Variants in SPOCK1 observed in about 807,000 individuals in gnomAD.
SPOCK1 encodes SPARC (osteonectin), cwcv and kazal like domains proteoglycan 1, also known as testican-1.
SPOCK1 carries 23 observed loss-of-function variants against 55.3 expected under a neutral mutation model. The observed-to-expected ratio is 0.42, with a 90% confidence interval of 0.30 to 0.59. The LOEUF is 0.59. Ranked by LOEUF, SPOCK1 falls within the 20% of genes least tolerant of loss-of-function variation. SPOCK1 has a pLI of 0.22. For synonymous variants in SPOCK1, 226 were observed against 221.0 expected (o/e 1.02, Z -0.20); for missense variants, 499 against 552.5 (o/e 0.90, Z 0.97).
At chr5:137,370,959 C>T (rs1335884776) in intron 2 of SPOCK1, among the ~76,000 whole-genome samples, 1 of 152,214 alleles carries the variant, frequency 6.6e-6, no homozygotes, top group Non-Finnish European at 1.5e-5. Flanking sequence ...GCTGCTCTCA[C>T]AGCTGGTCAC....
chr5:137,015,102 T>C (rs1004099792), intron 6 of SPOCK1, among the ~76,000 whole-genome samples: 3 of 152,166 alleles, frequency 2.0e-5, no homozygotes, highest in Non-Finnish European at 4.4e-5. Flanking sequence ...ATTTGTAGCA[T>C]GGTTATCACA....
chr5:137,026,486 T>C (rs1017526540), intron 6 of SPOCK1, among the ~76,000 whole-genome samples: 1 of 152,206 alleles, frequency 6.6e-6, no homozygotes, highest in Non-Finnish European at 1.5e-5. Flanking sequence ...GGGCTTGAAG[T>C]GCAGCATCAA....
intron 3 of SPOCK1, among the ~76,000 whole-genome samples, chr5:137,217,844 C>T (rs1384311288): frequency 6.6e-6 from 1 of 152,098 alleles, no homozygotes; most frequent in East Asian, 1.9e-4. Context: ...TCCAAGGTAT[C>T]GTGGTTAATA....
chr5:137,263,746 C>T (rs1421161349), intron 3 of SPOCK1, among the ~76,000 whole-genome samples: 1 of 152,164 alleles, frequency 6.6e-6, no homozygotes, highest in Non-Finnish European at 1.5e-5. Flanking sequence ...AAAGGATATA[C>T]TACTTATGCC....
intron 6 of SPOCK1, among the ~76,000 whole-genome samples, chr5:137,010,626 CACAT>C (rs1404253583): frequency 2.0e-5 from 3 of 152,056 alleles, no homozygotes; most frequent in Non-Finnish European, 4.4e-5. Context: ...CACCAGCACA[CACAT>C]AAAGGCCAAA....
intron 2 of SPOCK1, among the ~76,000 whole-genome samples, chr5:137,340,495 TG>T (rs1439532456): frequency 6.6e-6 from 1 of 152,184 alleles, no homozygotes; most frequent in Admixed American, 6.5e-5. Flanking sequence ...TCTGCACCTG[TG>T]AAATAAGAAT....
At chr5:137,139,607 G>T (rs1754054662) in intron 4 of SPOCK1, among the ~76,000 whole-genome samples, 1 of 152,008 alleles carries the variant, frequency 6.6e-6, no homozygotes, top group South Asian at 2.1e-4. Flanking sequence ...AATTCAGAAA[G>T]GTTGCTTTAT....
intron 2 of SPOCK1, among the ~76,000 whole-genome samples, chr5:137,381,206 T>G (rs1580895203): frequency 6.6e-6 from 1 of 151,812 alleles, no homozygotes; most frequent in East Asian, 1.9e-4. Context: ...ATTCAAAGGG[T>G]GGGTTCCCAG....
intron 5 of SPOCK1, among the ~76,000 whole-genome samples, chr5:137,107,804 T>C (rs1277767168): frequency 6.6e-6 from 1 of 152,230 alleles, no homozygotes; most frequent in Admixed American, 6.5e-5. Context: ...CTCAGGTTTC[T>C]TCTTCCAGCT....
intron 1 of SPOCK1, among the ~76,000 whole-genome samples, chr5:137,498,850 G>A (rs757767925): frequency 1.6e-4 from 25 of 152,130 alleles, no homozygotes; most frequent in Non-Finnish European, 2.5e-4. Flanking sequence ...CCTCCTATCA[G>A]GGGCTTGGTA....
intron 2 of SPOCK1, among the ~76,000 whole-genome samples, chr5:137,376,550 G>A (rs192841864): frequency 6.6e-6 from 1 of 152,310 alleles, no homozygotes; most frequent in African/African-American, 2.4e-5. Flanking sequence ...GCAGAGGGGG[G>A]CCTTTTAAAA....
intron 2 of SPOCK1, among the ~76,000 whole-genome samples, chr5:137,318,693 C>A (rs905604762): frequency 6.6e-6 from 1 of 152,164 alleles, no homozygotes; most frequent in Non-Finnish European, 1.5e-5. Context: ...ACAAGTATTG[C>A]CTATTGTTTA....
intron 6 of SPOCK1, among the ~76,000 whole-genome samples, chr5:137,039,733 A>G (rs1252299528): frequency 1.3e-5 from 2 of 152,226 alleles, no homozygotes; most frequent in Admixed American, 6.5e-5. Context: ...AGCTGTTATT[A>G]GCTTCTACTA....
intron 3 of SPOCK1, among the ~76,000 whole-genome samples, chr5:137,175,579 G>A (rs542420714): frequency 5.3e-4 from 80 of 152,304 alleles, no homozygotes; most frequent in Admixed American, 1.3e-3. Flanking sequence ...CAGGCTTTGG[G>A]TTCTAATCCC....
intron 3 of SPOCK1, among the ~76,000 whole-genome samples, chr5:137,263,643 G>A (rs896668401): frequency 6.6e-6 from 1 of 152,142 alleles, no homozygotes; most frequent in African/African-American, 2.4e-5. Flanking sequence ...CTTCACAAGC[G>A]AAATTTCTCA....
intron 6 of SPOCK1, among the ~76,000 whole-genome samples, chr5:137,039,955 GAAT>G (rs1751963489): frequency 6.6e-6 from 1 of 152,214 alleles, no homozygotes; most frequent in Non-Finnish European, 1.5e-5. Context: ...CCTATACTTT[GAAT>G]AATAACAGAA....
intron 2 of SPOCK1, among the ~76,000 whole-genome samples, chr5:137,434,043 A>G (rs1290346706): frequency 1.3e-5 from 2 of 152,254 alleles, no homozygotes; most frequent in Non-Finnish European, 2.9e-5. Flanking sequence ...ATAACACACA[A>G]GAAATCATGA....
chr5:137,490,981 C>T (rs1395224801), intron 2 of SPOCK1, among the ~76,000 whole-genome samples: 1 of 152,166 alleles, frequency 6.6e-6, no homozygotes, highest in Non-Finnish European at 1.5e-5. Context: ...AACTCACACT[C>T]ACAAGCCAGA....
intron 4 of SPOCK1, among the ~76,000 whole-genome samples, chr5:137,114,345 G>T (rs1182281377): frequency 6.6e-6 from 1 of 152,176 alleles, no homozygotes; most frequent in Non-Finnish European, 1.5e-5. Context: ...CAGCTGTAGA[G>T]AGTGTCCAGG....
Sources: gnomAD v4.1 joint callset for allele counts (sites outside exome capture counted in the v4.1 genomes callset) on GRCh38, gnomAD v4.1.1 for gene constraint, MANE v1.5 for transcripts, NCBI Gene and HGNC (gene_info 2026-07-23, HGNC 2026-07-21) for gene names.